The following SMS variants were observed in gnomAD, a reference collection of about 807,000 sequenced individuals.
The protein encoded by SMS is spermidine aminopropyltransferase.
SMS carries 3 observed loss-of-function variants against 33.0 expected under a neutral mutation model. That is an observed-to-expected ratio of 0.09 (90% CI 0.04 to 0.23). The LOEUF (loss-of-function observed/expected upper bound fraction) is 0.23. Ranked by LOEUF, SMS falls within the 10% of genes least tolerant of loss-of-function variation. The pLI is 1.00. For synonymous variants in SMS, 103 were observed against 112.2 expected, an observed-to-expected ratio of 0.92 and a Z score of 0.52; for missense variants, 117 against 288.6, an observed-to-expected ratio of 0.41 and a Z score of 4.31.
intron 2 of SMS, among the ~76,000 whole-genome samples, chrX:21,969,603 C>T (rs1923980279): frequency 8.9e-6 from 1 of 111,846 alleles, no homozygotes; most frequent in Non-Finnish European, 1.9e-5. Flanking sequence ...TGAAAAGTTG[C>T]ACTTCTTATC....
At chrX:21,984,478 G>A (rs1925191147) in intron 8 of SMS, 60 bp downstream of exon 8, 2 of 734,461 alleles carry the variant, frequency 2.7e-6, no homozygotes, top group Admixed American at 2.2e-5. Flanking sequence ...CCATGTGAGG[G>A]TGAAAGGATC....
chrX:21,949,047 A>G (rs1005831683), intron 1 of SMS, among the ~76,000 whole-genome samples: 2 of 112,184 alleles, frequency 1.8e-5, no homozygotes, highest in African/African-American at 6.5e-5. Flanking sequence ...CCTGGGTTTC[A>G]TTAAATTGAC....
chrX:21,981,349 C>T (rs1924930699), intron 7 of SMS, among the ~76,000 whole-genome samples: 1 of 109,947 alleles, frequency 9.1e-6, no homozygotes, highest in Admixed American at 9.7e-5. Flanking sequence ...GTCTATTCTT[C>T]CCAATTTATT....
intron 1 of SMS, among the ~76,000 whole-genome samples, chrX:21,952,910 C>T (rs762702): frequency 0.15 from 15,317 of 104,056 alleles, 986 homozygotes; most frequent in Non-Finnish European, 0.16. Flanking sequence ...AACAGGTACG[C>T]ACCATCATCA....
intron 1 of SMS, among the ~76,000 whole-genome samples, chrX:21,947,663 G>A (rs1054421636): frequency 2.7e-5 from 3 of 111,193 alleles, no homozygotes; most frequent in African/African-American, 9.8e-5. Flanking sequence ...GGATGGGCCC[G>A]ATCATTAGGA....
chrX:21,994,823 A>T lies in SMS; in HGVS notation c.*472A>T. 1.3e-6 allele frequency: 1 copy of T among 756,656 alleles called. No homozygotes were observed. The highest frequency in any genetic ancestry group is 6.6e-5 in the South Asian group (1 of 15,212). The allele number at this position is 756,656 out of a possible 1,213,427, so 62.4% of individuals were successfully genotyped here. On this transcript the variant is annotated 3_prime_UTR_variant, in exon 11 of 11. Coordinates refer to ENST00000404933, the MANE Select transcript of SMS (RefSeq NM_004595.5). The stretch of plus-strand genomic sequence containing the variant: ...AAAAAATAGGATTGCTTCAATTAAA[A>T]TTACAAAAGAGACATTTTGTGTGTT...
chrX:21,982,758 AC>A (rs1458410945), intron 7 of SMS, among the ~76,000 whole-genome samples: 16 of 112,744 alleles, frequency 1.4e-4, no homozygotes, highest in Non-Finnish European at 2.4e-4. Flanking sequence ...ACAAAAGAGA[AC>A]ATACATTTGT....
chrX:21,967,811 G>T (rs1429704409), intron 2 of SMS, among the ~76,000 whole-genome samples: 2 of 112,620 alleles, frequency 1.8e-5, no homozygotes, highest in African/African-American at 6.5e-5. Flanking sequence ...GGACTTTAGC[G>T]TAATAGTAAG....
chrX:21,956,526 G>A (rs1341289475), intron 1 of SMS, among the ~76,000 whole-genome samples: 1 of 110,143 alleles, frequency 9.1e-6, no homozygotes, highest in Non-Finnish European at 1.9e-5. Flanking sequence ...CTGGAGTGCA[G>A]TGGCGCGATC....
chrX:21,978,850 C>G (rs764246558), intron 6 of SMS, 27 bp from the exon 7 acceptor site: 2 of 1,078,747 alleles, frequency 1.9e-6, no homozygotes, highest in East Asian at 6.0e-5. Flanking sequence ...TTTGATATAC[C>G]CAAATTCTCC....
intron 1 of SMS, among the ~76,000 whole-genome samples, chrX:21,963,292 G>A (rs1316385241): frequency 9.0e-6 from 1 of 111,362 alleles, no homozygotes; most frequent in African/African-American, 3.3e-5. Context: ...GAGATGAATG[G>A]TGGGCAAAAT....
intron 4 of SMS, among the ~76,000 whole-genome samples, chrX:21,972,812 C>T (rs1300319752): frequency 9.4e-6 from 1 of 106,863 alleles, no homozygotes; most frequent in African/African-American, 3.4e-5. Flanking sequence ...GAAAGGCTGA[C>T]GCATGCGAAT....
At chrX:21,990,961 A>C (rs1458436998) in intron 9 of SMS, among the ~76,000 whole-genome samples, 2 of 112,342 alleles carry the variant, frequency 1.8e-5, no homozygotes, top group Admixed American at 1.9e-4. Flanking sequence ...TGGGTTACTA[A>C]ACAGGCTGAC....
chrX:21,966,283 A>G (rs1001565990), intron 1 of SMS, among the ~76,000 whole-genome samples: 6 of 112,321 alleles, frequency 5.3e-5, no homozygotes, highest in Admixed American at 9.4e-5. Flanking sequence ...CAGCCTTCAG[A>G]GGGCTGGTGG....
At chrX:21,973,192 C>A (rs771577755) in intron 4 of SMS, among the ~76,000 whole-genome samples, 3 of 112,257 alleles carry the variant, frequency 2.7e-5, no homozygotes, top group Non-Finnish European at 5.6e-5. Context: ...GGTAGAGCTG[C>A]CACCTCATCA....
chrX:21,944,522 C>CAAAAAAAAAAAAAAAAAAAAAAAAAAA (rs777680386), intron 1 of SMS, among the ~76,000 whole-genome samples: 14 of 34,640 alleles, frequency 4.0e-4, no homozygotes, highest in African/African-American at 7.2e-4. Context: ...CCTGTCTCTA[C>CAAAAAAAAAAAAAAAAAAAAAAAAAAA]AAAAAAAAAA....
chrX:21,943,561 C>T (rs1044403984), intron 1 of SMS, among the ~76,000 whole-genome samples: 5 of 110,194 alleles, frequency 4.5e-5, no homozygotes, highest in African/African-American at 6.6e-5. Flanking sequence ...TATTTTAATT[C>T]CCAGTCTGTT....
chrX:21,967,056 T>TATTA, intron 1 of SMS, 140 bp from the exon 2 acceptor site: 7 of 325,200 alleles, frequency 2.2e-5, no homozygotes, highest in Middle Eastern at 1.3e-3. Context: ...GTTTTTTAAT[T>TATTA]TTTATTTATT....
intron 1 of SMS, among the ~76,000 whole-genome samples, chrX:21,956,427 G>A (rs113016778): frequency 0.17 from 19,162 of 110,938 alleles, 2,778 homozygotes; most frequent in African/African-American, 0.48. Flanking sequence ...GGGACTACAG[G>A]CACGCACCAC....
Sources: gnomAD v4.1 joint callset for allele counts (sites outside exome capture counted in the v4.1 genomes callset) on GRCh38, gnomAD v4.1.1 for gene constraint, MANE v1.5 for transcripts, NCBI Gene and HGNC (gene_info 2026-07-23, HGNC 2026-07-21) for gene names.